DAB1: variants seen among roughly 807,000 people sequenced by gnomAD.
The protein encoded by DAB1 is DAB adaptor protein 1.
In DAB1, 15 loss-of-function variants were observed where a neutral mutation model predicts 64.6. That is an observed-to-expected ratio of 0.23 (90% CI 0.16 to 0.36). The LOEUF is 0.36. Among genes scored for constraint, DAB1 ranks in the 10% least tolerant of loss-of-function variants. The pLI is 1.00. For missense variants in DAB1, 596 were observed against 706.7 expected, an observed-to-expected ratio of 0.84 and a Z score of 1.78; for synonymous variants, 235 against 251.9, an observed-to-expected ratio of 0.93 and a Z score of 0.64.
intron 12 of DAB1, among the ~76,000 whole-genome samples, chr1:57,014,501 G>A (rs1646361140): frequency 2.0e-5 from 3 of 152,208 alleles, no homozygotes; most frequent in East Asian, 1.9e-4. Context: ...ATAAATGAAC[G>A]AATGAATGAG....
intron 4 of DAB1, among the ~76,000 whole-genome samples, chr1:57,133,844 A>G (rs1394429788): frequency 6.6e-6 from 1 of 152,158 alleles, no homozygotes; most frequent in Admixed American, 6.5e-5. Flanking sequence ...CACTTCTTTG[A>G]TATGGAAAAA....
In DAB1 at chr1:57,104,287, A is replaced by G. The variant is rs149657237; in HGVS notation, c.307-31873T>C. Among the ~76,000 whole-genome samples the G allele has an allele frequency of 7.2e-3, 1,091 of 152,302 alleles. 11 individuals are homozygous for G. Among genetic ancestry groups the G allele is most frequent in the African/African-American group, 0.024 (1,011 of 41,552 alleles). On this transcript the variant is annotated intron_variant, in intron 4 of 14. Transcript: ENST00000371236. ...AGCTTGGTCACTCACAGGGTAGGTC[A>G]CAAGTGGCCCAAAGCAGGCACTGTA...
At chr1:58,136,694 C>A (rs567346175) in intron 5 of DAB1, among the ~76,000 whole-genome samples, 70 of 152,308 alleles carry the variant, frequency 4.6e-4, no homozygotes, top group Non-Finnish European at 9.0e-4. Flanking sequence ...CATCTCTGCA[C>A]AGAGCCCAAG....
intron 3 of DAB1, among the ~76,000 whole-genome samples, chr1:58,475,999 AT>A (rs1423019669): frequency 1.3e-5 from 2 of 152,220 alleles, no homozygotes; most frequent in Non-Finnish European, 2.9e-5. Flanking sequence ...AAATATGATT[AT>A]ACTTTAATAT....
chr1:58,288,981 C>T (rs1230678472), intron 4 of DAB1, among the ~76,000 whole-genome samples: 1 of 152,196 alleles, frequency 6.6e-6, no homozygotes, highest in Non-Finnish European at 1.5e-5. Context: ...CCCAGTCTGA[C>T]ACCACCCAGT....
At chr1:57,332,211 GC>G (rs35827198) in intron 1 of DAB1, among the ~76,000 whole-genome samples, 8,557 of 152,216 alleles carry the variant, frequency 0.056, 334 homozygotes, top group Non-Finnish European at 0.085. Context: ...TAATCTGCCC[GC>G]CTTGGCCTCC....
intron 4 of DAB1, among the ~76,000 whole-genome samples, chr1:57,076,992 G>A (rs1360433908): frequency 6.6e-6 from 1 of 152,144 alleles, no homozygotes; most frequent in African/African-American, 2.4e-5. Context: ...CATAAAACAG[G>A]TAGGCAAAGA....
At chr1:57,780,763 T>C (rs1017856058) in intron 6 of DAB1, among the ~76,000 whole-genome samples, 4 of 150,918 alleles carry the variant, frequency 2.7e-5, no homozygotes, top group Non-Finnish European at 4.4e-5. Flanking sequence ...TCTTTTTTCT[T>C]TTTTTTTTGA....
At chr1:58,377,551 T>C (rs545302167) in intron 3 of DAB1, among the ~76,000 whole-genome samples, 1 of 138,344 alleles carries the variant, frequency 7.2e-6, no homozygotes, top group Non-Finnish European at 1.6e-5. Flanking sequence ...AGAGATCTGC[T>C]GTTAGTCTGA....
chr1:57,155,750 T>C (rs113210114), intron 2 of DAB1, among the ~76,000 whole-genome samples: 2,801 of 122,028 alleles, frequency 0.023, 71 homozygotes, highest in East Asian at 0.17. Context: ...TACAGAGATC[T>C]TTCTTTTTTT....
chr1:58,293,174 T>C (rs1288162472), intron 4 of DAB1, among the ~76,000 whole-genome samples: 1 of 152,178 alleles, frequency 6.6e-6, no homozygotes, highest in Non-Finnish European at 1.5e-5. Flanking sequence ...AAGAAAAAAG[T>C]CACCTAGTTA....
At chr1:57,140,220 G>C (rs1402828542) in intron 3 of DAB1, among the ~76,000 whole-genome samples, 1 of 152,176 alleles carries the variant, frequency 6.6e-6, no homozygotes, top group Non-Finnish European at 1.5e-5. Flanking sequence ...GTCACCACTG[G>C]AAACTGGAAA....
chr1:57,886,524 G>A (rs78031225), upstream of DAB1, among the ~76,000 whole-genome samples: 25 of 152,260 alleles, frequency 1.6e-4, no homozygotes, highest in African/African-American at 5.8e-4. Context: ...CCACGTACCA[G>A]GCACTGTTCT....
chr1:58,058,382 T>C (rs574624773), intron 5 of DAB1, among the ~76,000 whole-genome samples: 1 of 152,158 alleles, frequency 6.6e-6, no homozygotes, highest in Non-Finnish European at 1.5e-5. Flanking sequence ...GCAAACCCCA[T>C]TGCATGATTT....
At chr1:57,769,581 C>A (rs188407727) in intron 6 of DAB1, among the ~76,000 whole-genome samples, 6 of 152,174 alleles carry the variant, frequency 3.9e-5, no homozygotes, top group African/African-American at 1.4e-4. Flanking sequence ...CCTCCCCTTA[C>A]AGGCTTCTCC....
intron 1 of DAB1, among the ~76,000 whole-genome samples, chr1:57,364,722 A>G (rs1679828680): frequency 6.6e-6 from 1 of 151,988 alleles, no homozygotes; most frequent in Non-Finnish European, 1.5e-5. Context: ...AACTGTATCG[A>G]TATCAAGAAA....
intron 4 of DAB1, among the ~76,000 whole-genome samples, chr1:58,162,250 A>G (rs937845084): frequency 1.3e-5 from 2 of 152,220 alleles, no homozygotes; most frequent in Non-Finnish European, 2.9e-5. Flanking sequence ...GATCCTGTCA[A>G]ACCTCTGCAC....
Position 58,180,281 on chromosome 1 carries a change from C to CT in DAB1, n.310-29694dup, listed in dbSNP as rs869204611. Among the ~76,000 whole-genome samples the CT allele has an allele frequency of 3.4e-3, 209 of 61,026 alleles. 10 individuals are homozygous for CT. The highest frequency in any genetic ancestry group is 0.013 in the East Asian group (25 of 1,894). 40.0% of individuals were successfully genotyped at this position (61,026 alleles called of 152,430 possible). A position where few individuals can be genotyped will look rare whatever the true frequency, so the allele number is the denominator to read the frequency against. ...CTTTCTTTTTTCTTTTTTTTCTTTT[C>CT]TTTTTTTTTTTTTTTTTTTTTTTTT... On this transcript the variant is annotated intron_variant and non_coding_transcript_variant, in intron 4 of 20. Coordinates refer to the DAB1 transcript ENST00000485760.
At chr1:57,629,461 T>C (rs991380442) in intron 7 of DAB1, among the ~76,000 whole-genome samples, 2 of 152,146 alleles carry the variant, frequency 1.3e-5, no homozygotes, top group African/African-American at 4.8e-5. Context: ...CAGGTGGGAC[T>C]GGAGGACTGT....
Sources: allele counts gnomAD v4.1 joint callset (sites outside exome capture counted in the v4.1 genomes callset), GRCh38; gene constraint gnomAD v4.1.1; transcripts MANE v1.5; gene names NCBI Gene and HGNC (gene_info 2026-07-23, HGNC 2026-07-21).